The following BPIFB6 variants were observed in gnomAD, a reference collection of about 807,000 sequenced individuals.
The protein encoded by BPIFB6 is BPI fold-containing family B member 6.
A neutral mutation model predicts 54.7 loss-of-function variants in BPIFB6; 47 were observed. That is an observed-to-expected ratio of 0.86 (90% CI 0.68 to 1.10). BPIFB6 has a LOEUF of 1.10. Ranked by LOEUF, BPIFB6 falls within the 50% of genes least tolerant of loss-of-function variation. The pLI is 0.00. For missense variants in BPIFB6, 603 were observed against 564.1 expected, an observed-to-expected ratio of 1.07 and a Z score of -0.70; for synonymous variants, 255 against 225.9, an observed-to-expected ratio of 1.13 and a Z score of -1.16.
In BPIFB6 at chr20:33,034,818, C is replaced by T. The variant is rs371915417; in HGVS notation, c.358C>T (p.Arg120Trp). The T allele has an allele frequency of 2.0e-5, 32 of 1,613,690 alleles. No individual in the cohort carries two copies. Among genetic ancestry groups the T allele is most frequent in the South Asian group, 4.4e-5 (4 of 91,060 alleles). Residue 120 changes from arginine (R) to tryptophan (W), a missense_variant, in exon 4 of 15, where the codon CGG becomes TGG. Arg to Trp is a moderately radical substitution (Grantham distance 101). Transcript: ENST00000349552. Reference protein sequence around the residue: ...IVALNITATNRLLRDEETGLP... With the variant: ...IVALNITATNWLLRDEETGLP... ...GGCCCTGAACATCACAGCCACCAAC[C>T]GGCTTCTGCGGGATGAGGAGACAGG...
At chr20:33,043,957 A>G in intron 14 of BPIFB6, 58 bp from the exon 15 acceptor site, 1 of 1,595,136 alleles carries the variant, frequency 6.3e-7, no homozygotes, top group Non-Finnish European at 8.6e-7. Context: ...GTTCCATTCC[A>G]TCCCTGGGCC....
chr20:33,038,637 A>G (rs994344441), intron 8 of BPIFB6, among the ~76,000 whole-genome samples: 2 of 152,096 alleles, frequency 1.3e-5, no homozygotes, highest in South Asian at 2.1e-4. Flanking sequence ...CCCTTTACCC[A>G]TCACATCTAC....
At position 33,040,337 on chromosome 20, in the gene BPIFB6, A is replaced by G. The variant is rs747403459; in HGVS notation, c.1142+19A>G. On this transcript the variant is annotated intron_variant, in intron 11 of 14. Transcript: ENST00000349552. ...TGGACAGGTACGACCCTGCTGCCCA[A>G]TGCTGGCATCCCTGTTACCTTCACA... 8.1e-6 allele frequency: 13 copies of G among 1,611,974 alleles called. No individual in the cohort carries two copies. Among genetic ancestry groups the G allele is most frequent in the East Asian group, 4.5e-5 (2 of 44,868 alleles).
rs564292953 is a variant in BPIFB6, at chr20:33,031,743, C to T, written c.96C>T (p.Asn32=). The stretch of plus-strand genomic sequence containing the variant: ...TGCGGTTGGGCATGGACATCATGAA[C>T]CGTGGTGAGCTTGTGGGCCCGGGCG... ...ALLRLGMDIM[N]QVQSAMDESH... Residue 32 remains asparagine, a splice_region_variant and synonymous_variant, in exon 1 of 15, where the codon AAC becomes AAT. Transcript: ENST00000349552. 1.9e-6 allele frequency: 3 copies of T among 1,613,916 alleles called. No homozygotes were observed. Among genetic ancestry groups the T allele is most frequent in the African/African-American group, 2.7e-5 (2 of 75,036 alleles).
Position 33,035,596 on chromosome 20 carries a change from C to A in BPIFB6, c.517-16C>A, listed in dbSNP as rs374209357. ...ATGCAGGGACCCTCTCAGCCCAGTG[C>A]CTTCTCTGCTTCCAGATGTGTCCCG... On this transcript the variant is annotated splice_polypyrimidine_tract_variant and intron_variant, in intron 5 of 14. Coordinates refer to ENST00000349552, the MANE Select transcript of BPIFB6 (RefSeq NM_174897.2). 1.2e-6 allele frequency: 2 copies of A among 1,613,938 alleles called. No individual in the cohort carries two copies. The highest frequency in any genetic ancestry group is 1.7e-5 in the Admixed American group (1 of 59,994).
At chr20:33,037,504 C>T (rs1773305896) in intron 7 of BPIFB6, 58 bp from the exon 8 acceptor site, 7 of 1,531,624 alleles carry the variant, frequency 4.6e-6, no homozygotes, top group East Asian at 2.3e-5. Flanking sequence ...GACTGAGACA[C>T]TCCTGGCCAA....
At chr20:33,036,733 G>C (rs1463780907) in intron 7 of BPIFB6, among the ~76,000 whole-genome samples, 197 bp downstream of exon 7, 5 of 152,216 alleles carry the variant, frequency 3.3e-5, no homozygotes, top group African/African-American at 1.2e-4. Flanking sequence ...CGAACCTTCA[G>C]TGCCCCAGCT....
At chr20:33,036,622 G>A in intron 7 of BPIFB6, 86 bp downstream of exon 7, 2 of 1,288,628 alleles carry the variant, frequency 1.6e-6, no homozygotes, top group Non-Finnish European at 2.3e-6. Flanking sequence ...ACAGGTGGCT[G>A]GACTAGGGCT....
In BPIFB6 at chr20:33,039,382, G is replaced by A. The variant is rs527723448; in HGVS notation, c.936G>A (p.Thr312=). The change falls in exon 10 of 15, where the codon ACG becomes ACA. Residue 312 remains threonine, a synonymous_variant. Coordinates refer to ENST00000349552, the MANE Select transcript of BPIFB6 (RefSeq NM_174897.2). ...CTTATCCCAAGTCAAAGCCCTTGAC[G>A]ACCCAGATCAAGATAAAGAAGCCTC... The part of the protein sequence containing the change: ...AVAYPKSKPL[T]TQIKIKKPPK... The A allele has an allele frequency of 2.0e-5, 33 of 1,613,596 alleles. No individual in the cohort carries two copies. The highest frequency in any genetic ancestry group is 2.0e-4 in the East Asian group (9 of 44,864).
intron 14 of BPIFB6, 151 bp from the exon 15 acceptor site, chr20:33,043,864 G>T: frequency 1.1e-6 from 1 of 922,754 alleles, no homozygotes; most frequent in South Asian, 1.5e-5. Flanking sequence ...GAGGTGAAGT[G>T]ACCTCTCCAG....
chr20:33,036,303 A>G (rs974265474), intron 6 of BPIFB6, 142 bp from the exon 7 acceptor site: 1 of 686,876 alleles, frequency 1.5e-6, no homozygotes, highest in South Asian at 1.8e-5. Flanking sequence ...CTACAGATGA[A>G]GTTACAGAGG....
At chr20:33,038,752 G>C (rs6088078) in intron 8 of BPIFB6, among the ~76,000 whole-genome samples, 157 bp from the exon 9 acceptor site, 69,910 of 152,066 alleles carry the variant, frequency 0.46, 17,125 homozygotes, top group East Asian at 0.76. Flanking sequence ...TCATCACCTG[G>C]GCTGCCCAGA....
At position 33,036,383 on chromosome 20, in the gene BPIFB6, C is replaced by T. The variant is rs1408292533; in HGVS notation, c.578-62C>T. 2.8e-6 allele frequency: 4 copies of T among 1,438,638 alleles called. No individual in the cohort carries two copies. The East Asian group carries it at 9.2e-5, about 33-fold the overall frequency. The allele number at this position is 1,438,638 out of a possible 1,614,324, so 89.1% of individuals were successfully genotyped here. ...GGTGCAGGTAGCAGCTGGCTGGTGC[C>T]AGCTTCTCTGGGCTGTTCCTGGGGT... is the stretch of plus-strand genomic sequence containing the variant. On this transcript the variant is annotated intron_variant, in intron 6 of 14. Coordinates refer to ENST00000349552, the MANE Select transcript of BPIFB6 (RefSeq NM_174897.2).
At chr20:33,032,322 C>T (rs978229729) in intron 1 of BPIFB6, among the ~76,000 whole-genome samples, 1 of 152,118 alleles carries the variant, frequency 6.6e-6, no homozygotes, top group African/African-American at 2.4e-5. Context: ...GTGTTTGTGC[C>T]CTCTCTGGAA....
Position 33,036,500 on chromosome 20 carries a change from A to G in BPIFB6, c.633A>G (p.Pro211=). The G allele has an allele frequency of 6.2e-7, 1 of 1,614,196 alleles. No individual in the cohort carries two copies. Among genetic ancestry groups the G allele is most frequent in the Non-Finnish European group, 8.5e-7 (1 of 1,180,016 alleles). ...GTVKYVLMSA[P]ATTASYIQLD... ...TCAAATATGTTCTGATGTCCGCACC[A>G]GCCACCACAGCCAGCTACATCCAAC... Residue 211 remains proline (P), a synonymous_variant, in exon 7 of 15, where the codon CCA becomes CCG. Transcript: ENST00000349552.
rs755675798 is a variant in BPIFB6, at chr20:33,036,574, G to A, written c.669+38G>A. ...GGCCACCTGGGAGCTGGGGTCTCAG[G>A]CTCACTGGTCTGGGTAGTGGGTGAT... On this transcript the variant is annotated intron_variant, in intron 7 of 14. Coordinates refer to ENST00000349552, the MANE Select transcript of BPIFB6 (RefSeq NM_174897.2). 7.1e-6 allele frequency: 11 copies of A among 1,553,350 alleles called. No individual in the cohort carries two copies. The South Asian group carries it at 8.9e-5, about 13-fold the overall frequency.
chr20:33,039,632 C>A, intron 10 of BPIFB6, 112 bp downstream of exon 10: 2 of 1,187,816 alleles, frequency 1.7e-6, no homozygotes, highest in Non-Finnish European at 2.3e-6. Context: ...ATCAGTTAAT[C>A]TTGATTATGT....
At chr20:33,036,424 T>C in intron 6 of BPIFB6, 21 bp from the exon 7 acceptor site, 1 of 1,595,686 alleles carries the variant, frequency 6.3e-7, no homozygotes, top group Non-Finnish European at 8.6e-7. Flanking sequence ...CCTCTTTGAG[T>C]GGAACCTCCT....
chr20:33,037,419 G>T, intron 7 of BPIFB6, 143 bp from the exon 8 acceptor site: 1 of 794,832 alleles, frequency 1.3e-6, no homozygotes, highest in African/African-American at 1.7e-5. Context: ...GCCCACTGTA[G>T]CCCATTGTGG....
Sources: gnomAD v4.1 joint callset for allele counts (sites outside exome capture counted in the v4.1 genomes callset) on GRCh38, gnomAD v4.1.1 for gene constraint, MANE v1.5 for transcripts, NCBI Gene and HGNC (gene_info 2026-07-23, HGNC 2026-07-21) for gene names.